Variants in LPP observed in about 807,000 individuals in gnomAD.
LPP encodes lipoma-preferred partner.
Under a neutral mutation model 60.4 loss-of-function variants are expected in LPP, and 38 were observed. That is an observed-to-expected ratio of 0.63 (90% CI 0.49 to 0.83). The LOEUF (loss-of-function observed/expected upper bound fraction) is 0.83. Among genes scored for constraint, LPP ranks in the 40% least tolerant of loss-of-function variants. LPP has a pLI of 0.00. For missense variants in LPP, 902 were observed against 783.6 expected, an observed-to-expected ratio of 1.15 and a Z score of -1.80; for synonymous variants, 328 against 290.8, an observed-to-expected ratio of 1.13 and a Z score of -1.30.
At chr3:188,245,421 G>A (rs1307862265) in intron 2 of LPP, among the ~76,000 whole-genome samples, 1 of 152,122 alleles carries the variant, frequency 6.6e-6, no homozygotes, top group African/African-American at 2.4e-5. Context: ...TGTGGGCAGG[G>A]ATGGTATTTT....
At chr3:188,658,586 A>G (rs758985208) in intron 7 of LPP, among the ~76,000 whole-genome samples, 13 of 152,322 alleles carry the variant, frequency 8.5e-5, no homozygotes, top group East Asian at 1.9e-4. Context: ...CTTCATGTCT[A>G]AAACAGAAAT....
chr3:188,874,441 A>T lies in LPP; in HGVS notation c.1801A>T (p.Ile601Phe). Residue 601 changes from isoleucine (I) to phenylalanine (F), a missense_variant, in exon 12 of 12, where the codon ATC (isoleucine) becomes TTC (phenylalanine). Physicochemically the swap from Ile to Phe is conservative, Grantham distance 21. Coordinates refer to ENST00000617246, the MANE Select transcript of LPP (RefSeq NM_001375462.1). ...CTGCAAGACCTGCAACTCTGCCCGC[A>T]TCAGGGTGTTGACCGCCAAGGCGAG... ...ILCKTCNSARIRVLTAKASTD... is the reference protein window; with the variant it reads ...ILCKTCNSARFRVLTAKASTD... The T allele has an allele frequency of 6.2e-7, 1 of 1,614,210 alleles. No individual in the cohort carries two copies. Among genetic ancestry groups the T allele is most frequent in the Non-Finnish European group, 8.5e-7 (1 of 1,180,016 alleles).
At chr3:188,663,319 G>A (rs1249471966) in intron 7 of LPP, among the ~76,000 whole-genome samples, 2 of 152,188 alleles carry the variant, frequency 1.3e-5, no homozygotes, top group Admixed American at 6.5e-5. Flanking sequence ...TCAAGAAAGG[G>A]ATGGGGGAGT....
intron 2 of LPP, among the ~76,000 whole-genome samples, chr3:188,247,896 A>C (rs951704350): frequency 2.6e-5 from 4 of 152,152 alleles, no homozygotes; most frequent in Non-Finnish European, 4.4e-5. Flanking sequence ...TGGATGTAGA[A>C]GAGTTTAAAA....
chr3:188,373,660 C>T (rs1773999842), intron 3 of LPP, among the ~76,000 whole-genome samples: 1 of 152,026 alleles, frequency 6.6e-6, no homozygotes, highest in Admixed American at 6.5e-5. Context: ...TGTAGGTTGC[C>T]TGTTCACTCT....
At chr3:188,578,066 A>G (rs1042461547) in intron 6 of LPP, among the ~76,000 whole-genome samples, 1 of 152,108 alleles carries the variant, frequency 6.6e-6, no homozygotes, top group Non-Finnish European at 1.5e-5. Flanking sequence ...CTGTACTTGA[A>G]TCTATCTCAA....
chr3:188,874,335 G>C lies in LPP; in HGVS notation c.1711-16G>C, dbSNP rs770883829. On this transcript the variant is annotated splice_polypyrimidine_tract_variant and intron_variant, in intron 11 of 11. Transcript: ENST00000617246. ...GTTTTTACTTATGTCGTTTCCATCTGTCTTTACTGTTCTAGGATTGCGGTG... is the reference window on the plus strand; with the variant it reads ...GTTTTTACTTATGTCGTTTCCATCTCTCTTTACTGTTCTAGGATTGCGGTG... The C allele has an allele frequency of 8.1e-6, 13 of 1,607,680 alleles. 1 individual carries two copies. The South Asian group carries it at 1.3e-4, about 16-fold the overall frequency.
At chr3:188,628,697 G>A (rs879791107) in intron 7 of LPP, among the ~76,000 whole-genome samples, 8 of 151,916 alleles carry the variant, frequency 5.3e-5, no homozygotes, top group Non-Finnish European at 8.8e-5. Flanking sequence ...GGTACCAATC[G>A]TACTAAATAG....
At chr3:188,403,337 A>C (rs1333952860) in intron 3 of LPP, among the ~76,000 whole-genome samples, 2 of 152,344 alleles carry the variant, frequency 1.3e-5, no homozygotes, top group South Asian at 2.1e-4. Context: ...ACTATGAAAA[A>C]TGTGAATCTT....
Position 188,879,657 on chromosome 3 carries a change from A to G in LPP, c.*5178A>G, listed in dbSNP as rs1769692553. The G allele has an allele frequency of 1.6e-5, 3 of 184,050 alleles. No individual in the cohort carries two copies. The highest frequency in any genetic ancestry group is 7.0e-5 in the African/African-American group (3 of 42,584). The allele number at this position is 184,050 out of a possible 1,614,324, so 11.4% of individuals were successfully genotyped here. ...TTTTTTTTAAGTCTGAAGCAATGTA[A>G]CCCCAAAAAATTATAATTTTAATGA... On this transcript the variant is annotated 3_prime_UTR_variant, in exon 12 of 12. Transcript: ENST00000617246.
intron 8 of LPP, among the ~76,000 whole-genome samples, chr3:188,740,845 C>G (rs187918727): frequency 7.6e-4 from 115 of 152,104 alleles, no homozygotes; most frequent in Admixed American, 3.6e-3. Flanking sequence ...CATCAAAAGT[C>G]AGGCATGAAT....
intron 7 of LPP, among the ~76,000 whole-genome samples, chr3:188,631,106 C>T (rs923041300): frequency 1.3e-5 from 2 of 152,064 alleles, no homozygotes; most frequent in African/African-American, 4.8e-5. Flanking sequence ...ATAGTTTGTA[C>T]ACCAAACCCC....
chr3:188,180,486 A>G (rs1254576137), intron 1 of LPP: 1 of 154,320 alleles, frequency 6.5e-6, no homozygotes, highest in African/African-American at 2.4e-5. Context: ...GAACCTCCTT[A>G]TATTCCCTCA....
intron 6 of LPP, among the ~76,000 whole-genome samples, chr3:188,603,462 T>C (rs922821569): frequency 6.6e-6 from 1 of 152,076 alleles, no homozygotes; most frequent in Non-Finnish European, 1.5e-5. Flanking sequence ...GGCTTGAACC[T>C]TCGATCTGCC....
Position 188,248,790 on chromosome 3 carries a change from G to A in LPP, c.-67+23263G>A, listed in dbSNP as rs111815654. Among the ~76,000 whole-genome samples the A allele has an allele frequency of 7.2e-5, 11 of 152,066 alleles. 1 individual carries two copies. Among genetic ancestry groups the A allele is most frequent in the African/African-American group, 2.4e-4 (10 of 41,460 alleles). ...AGAAGAAAGCTCCCTGCCCTCCCTT[G>A]CACCAGTTCGTTTGGTAATTTTTAA... is the stretch of plus-strand genomic sequence containing the variant. On this transcript the variant is annotated intron_variant, in intron 2 of 11. Transcript: ENST00000617246.
At chr3:188,207,056 C>T (rs1043981746) in intron 1 of LPP, among the ~76,000 whole-genome samples, 3 of 151,074 alleles carry the variant, frequency 2.0e-5, no homozygotes, top group Non-Finnish European at 4.4e-5. Flanking sequence ...AAGGAACACT[C>T]TGCTTTTATT....
chr3:188,884,113 G>C lies in LPP; in HGVS notation c.*9634G>C, dbSNP rs1471234820. 1 of 225,092 alleles carries C rather than the reference G, an allele frequency of 4.4e-6. No individual in the cohort carries two copies. Among genetic ancestry groups the C allele is most frequent in the East Asian group, 6.4e-5 (1 of 15,624 alleles). The allele number at this position is 225,092 out of a possible 1,614,324, so 13.9% of individuals were successfully genotyped here. ...TGAGCTGTAAAATAGTAATTCCTAAGAGAGCTTACAAACTGCTTCCACACA... is the reference window on the plus strand; with the variant it reads ...TGAGCTGTAAAATAGTAATTCCTAACAGAGCTTACAAACTGCTTCCACACA... On this transcript the variant is annotated 3_prime_UTR_variant, in exon 12 of 12. Coordinates refer to ENST00000617246, the MANE Select transcript of LPP (RefSeq NM_001375462.1).
chr3:188,592,768 C>G (rs1009080754), intron 6 of LPP, among the ~76,000 whole-genome samples: 1 of 151,828 alleles, frequency 6.6e-6, no homozygotes, highest in Non-Finnish European at 1.5e-5. Flanking sequence ...TCTTGAACTC[C>G]TAACCAGGTG....
At chr3:188,410,221 C>A (rs574886697) in intron 4 of LPP, among the ~76,000 whole-genome samples, 2 of 152,326 alleles carry the variant, frequency 1.3e-5, no homozygotes, top group East Asian at 1.9e-4. Context: ...TATAAACCTA[C>A]TTCTCCAGAC....
Sources: allele counts gnomAD v4.1 joint callset (sites outside exome capture counted in the v4.1 genomes callset), GRCh38; gene constraint gnomAD v4.1.1; transcripts MANE v1.5; gene names NCBI Gene and HGNC (gene_info 2026-07-23, HGNC 2026-07-21).